The following HNRNPUL1 variants were observed in gnomAD, a reference collection of about 807,000 sequenced individuals.
HNRNPUL1 encodes the protein heterogeneous nuclear ribonucleoprotein U-like protein 1.
HNRNPUL1 carries 14 observed loss-of-function variants against 108.5 expected under a neutral mutation model. The observed-to-expected ratio is 0.13, with a 90% CI of 0.09 to 0.20. The LOEUF is 0.20. HNRNPUL1 is among the 10% of genes least tolerant of loss of function. HNRNPUL1 has a pLI of 1.00. For missense variants in HNRNPUL1, 804 were observed against 1,168.3 expected (o/e 0.69, Z 4.55); for synonymous variants, 422 against 445.2 (o/e 0.95, Z 0.66).
At chr19:41,264,307 G>A, upstream of HNRNPUL1, 1 of 446,330 alleles carries the variant, frequency 2.2e-6, no homozygotes, top group East Asian at 3.5e-5. Context: ...CCCACGCACT[G>A]ACCAATTGGC....
intron 2 of HNRNPUL1, among the ~76,000 whole-genome samples, chr19:41,268,941 TAGAATGGGGGAGCCAGAA>T (rs1299548351): frequency 2.0e-5 from 3 of 152,112 alleles, no homozygotes; most frequent in Non-Finnish European, 4.4e-5. Context: ...TTTAGAATCT[TAGAATGGGGGAGCCAGAA>T]AGAGCCTTCT....
chr19:41,287,532 C>CT (rs2036307029), intron 7 of HNRNPUL1, among the ~76,000 whole-genome samples: 1 of 151,958 alleles, frequency 6.6e-6, no homozygotes, highest in Admixed American at 6.6e-5. Context: ...GTTTCTCAGC[C>CT]TTTTTTTGCA....
chr19:41,280,907 A>T (rs539850530), intron 6 of HNRNPUL1: 27 of 381,322 alleles, frequency 7.1e-5, no homozygotes, highest in Non-Finnish European at 1.3e-4. Context: ...TTCTTTTCAA[A>T]TTCTCCCCTC....
chr19:41,287,408 T>C (rs148545041), intron 7 of HNRNPUL1, among the ~76,000 whole-genome samples: 98 of 152,350 alleles, frequency 6.4e-4, no homozygotes, highest in Non-Finnish European at 1.2e-3. Context: ...ATTTTGTCAC[T>C]TGTCCCAACA....
chr19:41,295,169 T>C (rs1568453334), intron 10 of HNRNPUL1, among the ~76,000 whole-genome samples: 1 of 152,212 alleles, frequency 6.6e-6, no homozygotes, highest in Non-Finnish European at 1.5e-5. Flanking sequence ...GTAGCTTTCA[T>C]GCCAACAGCA....
At position 41,287,390 on chromosome 19, in the gene HNRNPUL1, G is replaced by A. The variant is rs144725896; in HGVS notation, c.1000-4855G>A. On this transcript the variant is annotated intron_variant, in intron 7 of 14. Transcript: ENST00000392006. ...TTGATATAATGCTATTATCTACTGC[G>A]CATTCAAATTTTGTCACTTGTCCCA... 1.9e-3 allele frequency among the ~76,000 whole-genome samples: 296 copies of A among 152,190 alleles called. 2 individuals carry two copies. Among genetic ancestry groups the A allele is most frequent in the East Asian group, 6.4e-3 (33 of 5,182 alleles).
chr19:41,292,639 C>G lies in HNRNPUL1; in HGVS notation c.1266+128C>G. 4 of 1,156,590 alleles carry G rather than the reference C, an allele frequency of 3.5e-6. No individual in the cohort carries two copies. The highest frequency in any genetic ancestry group is 5.0e-6 in the Non-Finnish European group (4 of 798,072). 71.6% of individuals were successfully genotyped at this position (1,156,590 alleles called of 1,614,324 possible). A position where few individuals can be genotyped will look rare whatever the true frequency, so the allele number is the denominator to read the frequency against. On this transcript the variant is annotated intron_variant, in intron 8 of 14. Coordinates refer to ENST00000392006, the MANE Select transcript of HNRNPUL1 (RefSeq NM_007040.6). The surrounding 1 kb of genome is among the most constrained non-coding windows in gnomAD (Gnocchi z 4.1). ...AAGTGGCCACTTTGTCCCAGCTCCTCAGGGTTGGACTCAGAGCTGAAAAGC... is the reference window on the plus strand; with the variant it reads ...AAGTGGCCACTTTGTCCCAGCTCCTGAGGGTTGGACTCAGAGCTGAAAAGC...
chr19:41,290,843 G>A (rs1352426991), intron 7 of HNRNPUL1, among the ~76,000 whole-genome samples: 1 of 152,124 alleles, frequency 6.6e-6, no homozygotes, highest in Admixed American at 6.5e-5. Flanking sequence ...GATCACCTGA[G>A]GTCAGGAGTT....
chr19:41,287,437 G>A (rs1363828190), intron 7 of HNRNPUL1, among the ~76,000 whole-genome samples: 1 of 152,112 alleles, frequency 6.6e-6, no homozygotes, highest in Non-Finnish European at 1.5e-5. Flanking sequence ...TCGTCCAGTT[G>A]AGTTTCTAGT....
At chr19:41,279,833 C>T (rs1228168202) in intron 6 of HNRNPUL1, among the ~76,000 whole-genome samples, 1 of 152,188 alleles carries the variant, frequency 6.6e-6, no homozygotes, top group African/African-American at 2.4e-5. Context: ...AGAAACTAAC[C>T]AATGTTAACA....
chr19:41,292,637 C>G lies in HNRNPUL1; in HGVS notation c.1266+126C>G, dbSNP rs1444228394. The G allele has an allele frequency of 8.3e-6, 10 of 1,198,428 alleles. No homozygotes were observed. Among genetic ancestry groups the G allele is most frequent in the African/African-American group, 3.0e-5 (2 of 67,046 alleles). 74.2% of individuals were successfully genotyped at this position (1,198,428 alleles called of 1,614,324 possible). ...GCAAGTGGCCACTTTGTCCCAGCTC[C>G]TCAGGGTTGGACTCAGAGCTGAAAA... is the stretch of plus-strand genomic sequence containing the variant. On this transcript the variant is annotated intron_variant, in intron 8 of 14. Transcript: ENST00000392006. This position sits in a 1 kb window ranked among gnomAD's most constrained non-coding sequence, Gnocchi z 4.1.
intron 10 of HNRNPUL1, among the ~76,000 whole-genome samples, chr19:41,297,635 A>G (rs1343464054): frequency 6.6e-6 from 1 of 152,000 alleles, no homozygotes; most frequent in Non-Finnish European, 1.5e-5. Flanking sequence ...GCTTCTGGGG[A>G]GCCTCCGCAG....
At chr19:41,276,366 A>G in intron 5 of HNRNPUL1, 68 bp downstream of exon 5, 1 of 1,516,744 alleles carries the variant, frequency 6.6e-7, no homozygotes. Flanking sequence ...GATACCAGCC[A>G]CCTTGGTCAG....
At chr19:41,290,242 A>C (rs747348823) in intron 7 of HNRNPUL1, among the ~76,000 whole-genome samples, 1 of 152,238 alleles carries the variant, frequency 6.6e-6, no homozygotes, top group East Asian at 1.9e-4. Context: ...TCTGCTATCT[A>C]ATCTCAAGTT....
chr19:41,269,390 G>A (rs1369481417), intron 2 of HNRNPUL1, among the ~76,000 whole-genome samples: 6 of 149,762 alleles, frequency 4.0e-5, no homozygotes, highest in Non-Finnish European at 7.4e-5. Flanking sequence ...AAAGGTAGGA[G>A]GATCACTTGA....
chr19:41,285,429 T>G (rs1374078991), intron 7 of HNRNPUL1, among the ~76,000 whole-genome samples: 1 of 152,122 alleles, frequency 6.6e-6, no homozygotes, highest in East Asian at 1.9e-4. Flanking sequence ...TTCGCCAAAC[T>G]CCTGAGCTCA....
rs1279620014 is a variant in HNRNPUL1 at position 41,305,707 on chromosome 19, G to C, written c.2294G>C (p.Gly765Ala). ...TACAGCCAGCCACCCTACAACCAGG[G>C]AGGTTACAGCCAGGGCTACACAGCC... ...PSYSQPPYNQ[G>A]GYSQGYTAPP... The change falls in exon 14 of 15, where the codon GGA becomes GCA. Residue 765 changes from glycine to alanine, a missense_variant. By Grantham distance (60) the Gly-to-Ala change is moderately conservative. Around this residue, in one of 4 missense-constraint regions of HNRNPUL1, gnomAD observed 294 missense variants for 388.3 expected, o/e 0.76. Transcript: ENST00000392006. 5.6e-6 allele frequency: 9 copies of C among 1,613,980 alleles called. No homozygotes were observed. Among genetic ancestry groups the C allele is most frequent in the Middle Eastern group, 3.3e-4 (2 of 6,084 alleles).
At chr19:41,305,956 C>A in intron 14 of HNRNPUL1, 89 bp downstream of exon 14, 1 of 912,742 alleles carries the variant, frequency 1.1e-6, no homozygotes, top group Non-Finnish European at 1.7e-6. Flanking sequence ...CCCTGCTTAT[C>A]CCTAAAAAGA....
chr19:41,274,207 G>A (rs979867406), intron 4 of HNRNPUL1, 152 bp downstream of exon 4: 11 of 672,124 alleles, frequency 1.6e-5, no homozygotes, highest in Non-Finnish European at 2.3e-5. Context: ...AAGAGTACTG[G>A]TTTGGAGGCA....
Sources: allele counts gnomAD v4.1 joint callset (sites outside exome capture counted in the v4.1 genomes callset), GRCh38; gene constraint gnomAD v4.1.1; regional missense constraint gnomAD v4.1.1; non-coding constraint Gnocchi (gnomAD v3.1); transcripts MANE v1.5; gene names NCBI Gene and HGNC (gene_info 2026-07-23, HGNC 2026-07-21).